Variants in PPARA observed in about 807,000 individuals in gnomAD.
PPARA encodes peroxisome proliferator-activated receptor alpha.
Under a neutral mutation model 42.2 loss-of-function variants are expected in PPARA, and 22 were observed. That is an observed-to-expected ratio of 0.52 (90% CI 0.37 to 0.74). PPARA has a LOEUF of 0.74. Ranked by LOEUF, PPARA falls within the 30% of genes least tolerant of loss-of-function variation. The probability of loss-of-function intolerance (pLI) is 0.00; values close to 1 mark genes in which losing one functional copy is unlikely to be tolerated. For synonymous variants in PPARA, 242 were observed against 239.3 expected (o/e 1.01, Z -0.10); for missense variants, 465 against 608.2 (o/e 0.76, Z 2.48).
intron 3 of PPARA, among the ~76,000 whole-genome samples, chr22:46,178,788 G>C (rs889180842): frequency 6.6e-6 from 1 of 152,162 alleles, no homozygotes; most frequent in Middle Eastern, 3.2e-3. Context: ...GTGTTTGTTA[G>C]GAGAGGGAGG....
Position 46,202,502 on chromosome 22 carries a change from C to T in PPARA, c.208+3911C>T, listed in dbSNP as rs187499191. 7.3e-4 allele frequency among the ~76,000 whole-genome samples: 110 copies of T among 151,684 alleles called. No individual in the cohort carries two copies. In the Middle Eastern group the frequency reaches 0.014, roughly 19 times the overall value. On this transcript the variant is annotated intron_variant, in intron 4 of 8. Transcript: ENST00000407236. ...GTGTAATCCCAGCACTTTGGGAGGT[C>T]GAGGCGGGTGGATCACCTGAGGTCA...
At position 46,219,922 on chromosome 22, in the gene PPARA, G is replaced by A; in HGVS notation, c.619G>A (p.Ala207Thr). Reference sequence around the variant, plus strand: ...TGAAACTGCAGATCTCAAATCTCTGGCCAAGAGAATCTACGAGGCCTACTT... The same window carrying A: ...TGAAACTGCAGATCTCAAATCTCTGACCAAGAGAATCTACGAGGCCTACTT... ...DSETADLKSL[A>T]KRIYEAYLKN... The change falls in exon 7 of 9, where the codon GCC (alanine) becomes ACC (threonine). Residue 207 changes from alanine (A) to threonine (T), a missense_variant. Ala to Thr is a moderately conservative substitution (Grantham distance 58, BLOSUM62 0). Coordinates refer to ENST00000407236, the MANE Select transcript of PPARA (RefSeq NM_005036.6). The surrounding 1 kb of genome is among the most constrained non-coding windows in gnomAD (Gnocchi z 4.8). 1 of 1,614,088 alleles carries A rather than the reference G, an allele frequency of 6.2e-7. No homozygotes were observed.
chr22:46,169,203 A>G (rs1049314953), intron 2 of PPARA, among the ~76,000 whole-genome samples: 7 of 151,982 alleles, frequency 4.6e-5, no homozygotes, highest in African/African-American at 1.7e-4. Context: ...ATAATATGTC[A>G]ACATTGGCTC....
rs1436355974 is a variant in PPARA at position 46,212,893 on chromosome 22, G to T, written c.209-2280G>T. ...CACCTGTAATCCCAGCTACTTGGAA[G>T]GCTGAGGCAGGAGAATCACTTGAAC... On this transcript the variant is annotated intron_variant, in intron 4 of 8. Coordinates refer to ENST00000407236, the MANE Select transcript of PPARA (RefSeq NM_005036.6). The surrounding 1 kb of genome is among the most constrained non-coding windows in gnomAD (Gnocchi z 4.2). Among the ~76,000 whole-genome samples, 1 of 152,194 alleles carries T rather than the reference G, an allele frequency of 6.6e-6. No individual in the cohort carries two copies. Among genetic ancestry groups the T allele is most frequent in the Non-Finnish European group, 1.5e-5 (1 of 68,044 alleles).
intron 4 of PPARA, among the ~76,000 whole-genome samples, chr22:46,207,277 A>ATT (rs76116601): frequency 3.6e-4 from 43 of 119,578 alleles, no homozygotes; most frequent in East Asian, 6.6e-4. Context: ...TACATTGGCA[A>ATT]TTTTTTTTTT....
In PPARA at chr22:46,188,577, C is replaced by A. The variant is rs1931117745; in HGVS notation, c.-42-9765C>A. ...CACTTCTCTCAACCTCTGCATTTTTCTTCTTTATAAATGGGACCAATAATA... is the reference window on the plus strand; with the variant it reads ...CACTTCTCTCAACCTCTGCATTTTTATTCTTTATAAATGGGACCAATAATA... On this transcript the variant is annotated intron_variant, in intron 3 of 8. Transcript: ENST00000407236. This position sits in a 1 kb window ranked among gnomAD's most constrained non-coding sequence, Gnocchi z 5.0. 2 of 152,132 alleles carry A rather than the reference C, an allele frequency of 1.3e-5. No homozygotes were observed. The highest frequency in any genetic ancestry group is 2.9e-5 in the Non-Finnish European group (2 of 68,016). The allele number at this position is 152,132 out of a possible 1,614,324, so 9.4% of individuals were successfully genotyped here.
At chr22:46,210,968 A>G (rs1403033290) in intron 4 of PPARA, among the ~76,000 whole-genome samples, 1 of 152,126 alleles carries the variant, frequency 6.6e-6, no homozygotes, top group Non-Finnish European at 1.5e-5. Flanking sequence ...TTTGAGCTTC[A>G]CCTGATGCCC....
At chr22:46,189,791 C>T (rs1033032098) in intron 3 of PPARA, among the ~76,000 whole-genome samples, 6 of 151,968 alleles carry the variant, frequency 3.9e-5, no homozygotes, top group Non-Finnish European at 8.8e-5. Context: ...CTGCAACCTC[C>T]GCCTCCCAGG....
intron 2 of PPARA, among the ~76,000 whole-genome samples, chr22:46,168,328 G>A (rs4253647): frequency 0.019 from 1,989 of 103,418 alleles, 74 homozygotes; most frequent in African/African-American, 0.07. Flanking sequence ...CTCCAGCCTG[G>A]ACAACAGAGC....
rs902921112 is a variant in PPARA, at chr22:46,188,310, A to G, written c.-42-10032A>G. ...TCAGCCATTCTCAACCACTTATTCA[A>G]TGATGTTTTGGGCCATATATGCAGA... On this transcript the variant is annotated intron_variant, in intron 3 of 8. Transcript: ENST00000407236. The surrounding 1 kb of genome is among the most constrained non-coding windows in gnomAD (Gnocchi z 5.0). 6.6e-5 allele frequency among the ~76,000 whole-genome samples: 10 copies of G among 152,180 alleles called. No individual in the cohort carries two copies. Among genetic ancestry groups the G allele is most frequent in the Admixed American group, 6.5e-5 (1 of 15,278 alleles).
intron 2 of PPARA, among the ~76,000 whole-genome samples, chr22:46,153,879 T>C (rs1924855992): frequency 6.6e-6 from 1 of 152,010 alleles, no homozygotes; most frequent in Non-Finnish European, 1.5e-5. Context: ...AAATTGTATA[T>C]GAGAGAGACA....
intron 4 of PPARA, among the ~76,000 whole-genome samples, chr22:46,199,458 C>A (rs1192330192): frequency 6.6e-6 from 1 of 151,920 alleles, no homozygotes; most frequent in African/African-American, 2.4e-5. Context: ...CATGGTGAGG[C>A]CCCATCTATA....
chr22:46,186,987 C>G (rs950375239), intron 3 of PPARA, among the ~76,000 whole-genome samples: 1 of 152,196 alleles, frequency 6.6e-6, no homozygotes, highest in Non-Finnish European at 1.5e-5. Flanking sequence ...CTTCCTCTCT[C>G]TCTCAGAATA....
In PPARA at chr22:46,231,192, G is replaced by T. The variant is rs1024754908; in HGVS notation, c.712-600G>T. On this transcript the variant is annotated intron_variant, in intron 7 of 8. Coordinates refer to ENST00000407236, the MANE Select transcript of PPARA (RefSeq NM_005036.6). This position sits in a 1 kb window ranked among gnomAD's most constrained non-coding sequence, Gnocchi z 7.7. ...CTGCCTCAGCCTCCCGAGTAGCTGG[G>T]GTTACAGGCACACACTATGCCTGGC... is the stretch of plus-strand genomic sequence containing the variant. Among the ~76,000 whole-genome samples the T allele has an allele frequency of 9.9e-5, 15 of 151,946 alleles. No individual in the cohort carries two copies. The highest frequency in any genetic ancestry group is 2.9e-4 in the African/African-American group (12 of 41,382).
intron 2 of PPARA, among the ~76,000 whole-genome samples, chr22:46,174,155 C>T (rs1268091872): frequency 1.4e-5 from 2 of 143,506 alleles, no homozygotes; most frequent in African/African-American, 5.3e-5. Context: ...TGCAGCCTGG[C>T]AACAGAGCAA....
At position 46,180,804 on chromosome 22, in the gene PPARA, G is replaced by T. The variant is rs1243366448; in HGVS notation, c.-43+3968G>T. 6.6e-6 allele frequency among the ~76,000 whole-genome samples: 1 copy of T among 152,150 alleles called. No individual in the cohort carries two copies. The highest frequency in any genetic ancestry group is 1.5e-5 in the Non-Finnish European group (1 of 68,036). On this transcript the variant is annotated intron_variant, in intron 3 of 8. Transcript: ENST00000407236. The surrounding 1 kb of genome is among the most constrained non-coding windows in gnomAD (Gnocchi z 4.2). ...CTGATTTCCCACTACATTTTCTGGG[G>T]GCTCGTCCGGGATTGGAGATGGCAG... is the stretch of plus-strand genomic sequence containing the variant.
chr22:46,207,703 A>G, intron 4 of PPARA, among the ~76,000 whole-genome samples: 1 of 47,624 alleles, frequency 2.1e-5, no homozygotes, highest in African/African-American at 5.0e-5. Context: ...TTTTTTTTAG[A>G]GACAGGGTCT....
rs1484361810 is a variant in PPARA, at chr22:46,161,053, ATC to A, written c.-127+9085_-127+9086del. On this transcript the variant is annotated intron_variant, in intron 2 of 8. Coordinates refer to ENST00000407236, the MANE Select transcript of PPARA (RefSeq NM_005036.6). The surrounding 1 kb of genome is among the most constrained non-coding windows in gnomAD (Gnocchi z 4.8). ...TAACCACACTCAAGCACAGCTGATGATCTTTAATACTAATAGAGGTATAAGAC... is the reference window on the plus strand; with the variant it reads ...TAACCACACTCAAGCACAGCTGATGATTTAATACTAATAGAGGTATAAGAC... 2.6e-5 allele frequency among the ~76,000 whole-genome samples: 4 copies of A among 152,334 alleles called. No homozygotes were observed. Among genetic ancestry groups the A allele is most frequent in the Non-Finnish European group, 4.4e-5 (3 of 68,032 alleles).
In PPARA at chr22:46,212,050, C is replaced by T. The variant is rs1933987553; in HGVS notation, c.209-3123C>T. ...TTCTTTCTTTCTCTTTCCCTCTCCT[C>T]TCTTCTCCTCTCCTCTCCTTTGATG... On this transcript the variant is annotated intron_variant, in intron 4 of 8. Coordinates refer to ENST00000407236, the MANE Select transcript of PPARA (RefSeq NM_005036.6). The surrounding 1 kb of genome is among the most constrained non-coding windows in gnomAD (Gnocchi z 4.2). 6.6e-6 allele frequency among the ~76,000 whole-genome samples: 1 copy of T among 151,348 alleles called. No individual in the cohort carries two copies. The highest frequency in any genetic ancestry group is 1.5e-5 in the Non-Finnish European group (1 of 67,904).
Sources: gnomAD v4.1 joint callset for allele counts (sites outside exome capture counted in the v4.1 genomes callset) on GRCh38, gnomAD v4.1.1 for gene constraint, Gnocchi (gnomAD v3.1) non-coding constraint, MANE v1.5 for transcripts, NCBI Gene and HGNC (gene_info 2026-07-23, HGNC 2026-07-21) for gene names.